CCSER1: variants seen among roughly 807,000 people sequenced by gnomAD.
The protein encoded by CCSER1 is serine-rich coiled-coil domain-containing protein 1.
Under a neutral mutation model 82.0 loss-of-function variants are expected in CCSER1, and 41 were observed. The observed-to-expected ratio is 0.50, with a 90% CI of 0.39 to 0.65. The LOEUF is 0.65. Among genes scored for constraint, CCSER1 ranks in the 30% least tolerant of loss-of-function variants. CCSER1 has a pLI of 0.00. For missense variants in CCSER1, 1,119 were observed against 1,064.2 expected (o/e 1.05, Z -0.72); for synonymous variants, 414 against 383.9 (o/e 1.08, Z -0.92).
At chr4:90,183,553 G>GCA (rs752468321) in intron 1 of CCSER1, among the ~76,000 whole-genome samples, 34 of 152,062 alleles carry the variant, frequency 2.2e-4, no homozygotes, top group Middle Eastern at 3.4e-3. Context: ...ACACATGCAT[G>GCA]CACACACACA....
intron 10 of CCSER1, among the ~76,000 whole-genome samples, chr4:91,110,835 A>T (rs1489224616): frequency 6.6e-6 from 1 of 151,800 alleles, no homozygotes; most frequent in Non-Finnish European, 1.5e-5. Context: ...TACATAGATC[A>T]TTCATTCTTC....
chr4:90,436,687 T>C (rs1314566206), intron 4 of CCSER1, among the ~76,000 whole-genome samples: 1 of 152,196 alleles, frequency 6.6e-6, no homozygotes, highest in Non-Finnish European at 1.5e-5. Flanking sequence ...GACACAATTA[T>C]ATACACATCT....
intron 10 of CCSER1, among the ~76,000 whole-genome samples, chr4:91,467,157 G>T (rs1415264880): frequency 1.3e-5 from 2 of 152,006 alleles, no homozygotes; most frequent in East Asian, 3.9e-4. Context: ...CCAAAACAGA[G>T]ATATAGACCA....
chr4:90,379,871 A>G (rs1156422410), intron 3 of CCSER1, among the ~76,000 whole-genome samples: 1 of 152,136 alleles, frequency 6.6e-6, no homozygotes, highest in Non-Finnish European at 1.5e-5. Context: ...AGGCCTCAGG[A>G]AGCTTCCAAC....
intron 10 of CCSER1, among the ~76,000 whole-genome samples, chr4:91,410,957 T>C (rs1752985319): frequency 6.6e-6 from 1 of 152,068 alleles, no homozygotes; most frequent in Admixed American, 6.6e-5. Context: ...AAAAAGTACA[T>C]TGTCTTCTGT....
chr4:90,838,891 G>A (rs1242338284), intron 8 of CCSER1: 2 of 1,613,100 alleles, frequency 1.2e-6, no homozygotes, highest in South Asian at 1.1e-5. Flanking sequence ...CATATTGGCG[G>A]CGCACGCCTC....
chr4:91,034,925 AGAGGGGAG>A (rs1182895579), intron 9 of CCSER1, among the ~76,000 whole-genome samples: 2 of 152,152 alleles, frequency 1.3e-5, no homozygotes, highest in African/African-American at 4.8e-5. Context: ...CATGAAAAAG[AGAGGGGAG>A]AAATAGCTTG....
At chr4:91,497,628 A>T (rs1206129738) in intron 10 of CCSER1, among the ~76,000 whole-genome samples, 2 of 151,826 alleles carry the variant, frequency 1.3e-5, no homozygotes, top group Non-Finnish European at 2.9e-5. Flanking sequence ...TCAGTAATCT[A>T]TGCTAATTTT....
chr4:90,216,397 T>C (rs188398140), intron 1 of CCSER1, among the ~76,000 whole-genome samples: 8 of 152,326 alleles, frequency 5.3e-5, no homozygotes, highest in East Asian at 1.9e-4. Flanking sequence ...GCTTCCATTA[T>C]TGAAGTGAGG....
chr4:90,728,645 A>T (rs1580180899), intron 7 of CCSER1, among the ~76,000 whole-genome samples: 2 of 152,272 alleles, frequency 1.3e-5, no homozygotes, highest in East Asian at 3.9e-4. Context: ...GCCCAACCTT[A>T]GCAATATAGG....
intron 10 of CCSER1, among the ~76,000 whole-genome samples, chr4:91,170,078 T>C (rs1311829064): frequency 6.6e-6 from 1 of 152,168 alleles, no homozygotes; most frequent in African/African-American, 2.4e-5. Context: ...GCAGACATAA[T>C]GTCTAAAGCT....
chr4:90,137,768 C>T (rs1723960082), intron 1 of CCSER1, among the ~76,000 whole-genome samples: 1 of 152,210 alleles, frequency 6.6e-6, no homozygotes, highest in Admixed American at 6.5e-5. Flanking sequence ...GCTGACCTCT[C>T]TTGCAAAAAT....
At chr4:90,437,529 A>G (rs1031410551) in intron 4 of CCSER1, among the ~76,000 whole-genome samples, 2 of 152,154 alleles carry the variant, frequency 1.3e-5, no homozygotes, top group Non-Finnish European at 2.9e-5. Context: ...CTCTGAATCC[A>G]TTTTGCTTTC....
chr4:90,293,038 T>G (rs1731215439), intron 1 of CCSER1, among the ~76,000 whole-genome samples: 1 of 151,896 alleles, frequency 6.6e-6, no homozygotes, highest in Non-Finnish European at 1.5e-5. Context: ...CTGTTACTAT[T>G]AGCTGCTGTA....
chr4:90,860,834 A>C (rs1214860568), intron 8 of CCSER1, among the ~76,000 whole-genome samples: 3 of 151,640 alleles, frequency 2.0e-5, no homozygotes, highest in Non-Finnish European at 4.4e-5. Context: ...CAGAAAGTAG[A>C]TTAGTGCTTG....
intron 4 of CCSER1, among the ~76,000 whole-genome samples, chr4:90,420,901 T>C (rs1467265803): frequency 6.6e-6 from 1 of 152,112 alleles, no homozygotes; most frequent in East Asian, 1.9e-4. Context: ...AAAGAAAATA[T>C]GTGTCTCAAT....
At chr4:90,410,309 C>T (rs527776373) in intron 4 of CCSER1, among the ~76,000 whole-genome samples, 1 of 152,300 alleles carries the variant, frequency 6.6e-6, no homozygotes, top group Non-Finnish European at 1.5e-5. Flanking sequence ...ACTCTCCACC[C>T]CAAATCAACA....
chr4:91,489,381 C>A (rs1308699663), intron 10 of CCSER1, among the ~76,000 whole-genome samples: 1 of 152,130 alleles, frequency 6.6e-6, no homozygotes, highest in African/African-American at 2.4e-5. Flanking sequence ...AATGTTTTAT[C>A]TCTGGGGCAG....
chr4:91,358,623 G>T (rs930650052), intron 10 of CCSER1, among the ~76,000 whole-genome samples: 19 of 152,126 alleles, frequency 1.2e-4, no homozygotes, highest in African/African-American at 4.6e-4. Flanking sequence ...ATGCAGGCAC[G>T]CTGTGGGTGA....
Sources: gnomAD v4.1 joint callset for allele counts (sites outside exome capture counted in the v4.1 genomes callset) on GRCh38, gnomAD v4.1.1 for gene constraint, MANE v1.5 for transcripts, NCBI Gene and HGNC (gene_info 2026-07-23, HGNC 2026-07-21) for gene names.